HPSE2: variants seen among roughly 807,000 people sequenced by gnomAD.
HPSE2 encodes the protein inactive heparanase-2.
A neutral mutation model predicts 60.5 loss-of-function variants in HPSE2; 38 were observed. The ratio of observed to expected loss-of-function variants is 0.63; its 90% confidence interval spans 0.48 to 0.82. The LOEUF (loss-of-function observed/expected upper bound fraction) is 0.82. Among genes scored for constraint, HPSE2 ranks in the 40% least tolerant of loss-of-function variants. The pLI is 0.00. For synonymous variants in HPSE2, 295 were observed against 293.2 expected, an observed-to-expected ratio of 1.01 and a Z score of -0.06; for missense variants, 713 against 740.4, an observed-to-expected ratio of 0.96 and a Z score of 0.43.
chr10:99,163,427 T>C (rs1846928438), intron 2 of HPSE2, among the ~76,000 whole-genome samples: 2 of 152,166 alleles, frequency 1.3e-5, no homozygotes, highest in Non-Finnish European at 2.9e-5. Flanking sequence ...CCTTCCTCTT[T>C]CCACCTCCTC....
chr10:98,576,942 CATCAAATAT>C (rs1944658087), intron 9 of HPSE2, among the ~76,000 whole-genome samples: 1 of 151,856 alleles, frequency 6.6e-6, no homozygotes, highest in African/African-American at 2.4e-5. Context: ...CAGCTTCTCC[CATCAAATAT>C]ACCACTATTT....
At chr10:99,093,163 G>T (rs150418158) in intron 3 of HPSE2, among the ~76,000 whole-genome samples, 19 of 152,174 alleles carry the variant, frequency 1.2e-4, no homozygotes, top group African/African-American at 3.6e-4. Flanking sequence ...AGGAGGCAGA[G>T]GTTGCAGTGA....
intron 7 of HPSE2, among the ~76,000 whole-genome samples, chr10:98,625,648 G>A (rs1181327567): frequency 2.0e-5 from 3 of 152,122 alleles, no homozygotes; most frequent in African/African-American, 7.2e-5. Flanking sequence ...GCAAAAGAAC[G>A]TATAATATAA....
At chr10:98,617,741 T>G (rs1945953882) in intron 8 of HPSE2, among the ~76,000 whole-genome samples, 1 of 152,188 alleles carries the variant, frequency 6.6e-6, no homozygotes, top group East Asian at 1.9e-4. Context: ...ACCCTGCCAT[T>G]ATTTTCCACT....
At position 98,615,026 on chromosome 10, in the gene HPSE2, G is replaced by A. The variant is rs756954506; in HGVS notation, c.1206-8C>T. On this transcript the variant is annotated splice_polypyrimidine_tract_variant and splice_region_variant and intron_variant, in intron 8 of 11. Coordinates refer to ENST00000370552, the MANE Select transcript of HPSE2 (RefSeq NM_021828.5). ...CCTAAAGTGTTCAACCATCTAAAAG[G>A]CAGAGAAAAAGAGCTACATCAATAT... 2 of 1,597,322 alleles carry A rather than the reference G, an allele frequency of 1.3e-6. No homozygotes were observed. Among genetic ancestry groups the A allele is most frequent in the Non-Finnish European group, 1.7e-6 (2 of 1,164,898 alleles).
intron 5 of HPSE2, among the ~76,000 whole-genome samples, chr10:98,708,837 T>C (rs986621155): frequency 3.3e-5 from 5 of 152,190 alleles, no homozygotes; most frequent in Non-Finnish European, 7.3e-5. Context: ...AGTCTTCGAA[T>C]AATATTTATA....
chr10:98,891,426 T>C (rs889579423), intron 3 of HPSE2, among the ~76,000 whole-genome samples: 3 of 152,152 alleles, frequency 2.0e-5, no homozygotes, highest in Non-Finnish European at 4.4e-5. Context: ...TGTTAAATCT[T>C]AGCAATTTAA....
chr10:98,877,806 C>T (rs780822459), intron 3 of HPSE2, among the ~76,000 whole-genome samples: 8 of 151,818 alleles, frequency 5.3e-5, no homozygotes, highest in African/African-American at 7.2e-5. Flanking sequence ...AGGGAGGGTA[C>T]GTTCAGGGCA....
chr10:99,057,025 T>C (rs1017402741), intron 3 of HPSE2, among the ~76,000 whole-genome samples: 29 of 152,218 alleles, frequency 1.9e-4, no homozygotes, highest in African/African-American at 6.7e-4. Context: ...AAATAATCTA[T>C]AGTGACAGGT....
At chr10:98,800,942 A>G (rs957722005) in intron 3 of HPSE2, among the ~76,000 whole-genome samples, 1 of 152,218 alleles carries the variant, frequency 6.6e-6, no homozygotes, top group Non-Finnish European at 1.5e-5. Flanking sequence ...CTACAGGCCA[A>G]TATCTCTGAT....
At chr10:98,462,209 C>A (rs145640972) in intron 11 of HPSE2, among the ~76,000 whole-genome samples, 1 of 152,022 alleles carries the variant, frequency 6.6e-6, no homozygotes, top group Non-Finnish European at 1.5e-5. Flanking sequence ...GATGGAGTCT[C>A]GATCTGTTGC....
At chr10:98,637,635 T>G (rs543197493) in intron 7 of HPSE2, among the ~76,000 whole-genome samples, 1 of 152,202 alleles carries the variant, frequency 6.6e-6, no homozygotes, top group South Asian at 2.1e-4. Context: ...GCCATCAGAC[T>G]TCAAATCCTG....
intron 9 of HPSE2, among the ~76,000 whole-genome samples, chr10:98,607,738 C>A (rs1180836437): frequency 6.6e-6 from 1 of 152,060 alleles, no homozygotes; most frequent in Non-Finnish European, 1.5e-5. Context: ...ACTTTTCATC[C>A]TTTAGTCATC....
the HPSE2 span, among the ~76,000 whole-genome samples, chr10:99,276,260 TAC>T: frequency 6.6e-6 from 1 of 152,236 alleles, no homozygotes; most frequent in East Asian, 1.9e-4. Context: ...GTGCTTCATA[TAC>T]ATTTTCTCTA....
At chr10:98,880,299 G>A (rs948902972) in intron 3 of HPSE2, among the ~76,000 whole-genome samples, 20 of 152,016 alleles carry the variant, frequency 1.3e-4, no homozygotes, top group African/African-American at 3.1e-4. Flanking sequence ...TGCAGGGCAT[G>A]GATTTGAGTT....
At chr10:98,888,982 G>C (rs1254354534) in intron 3 of HPSE2, among the ~76,000 whole-genome samples, 1 of 152,072 alleles carries the variant, frequency 6.6e-6, no homozygotes, top group African/African-American at 2.4e-5. Context: ...CTTGAGGCTA[G>C]GAGTTCAAGA....
intron 3 of HPSE2, among the ~76,000 whole-genome samples, chr10:98,774,840 T>G (rs889900093): frequency 6.6e-6 from 1 of 152,182 alleles, no homozygotes; most frequent in South Asian, 2.1e-4. Context: ...ATCTCCTTCA[T>G]CGTGGGACTC....
At chr10:98,679,193 C>G (rs908245036) in intron 6 of HPSE2, among the ~76,000 whole-genome samples, 11 of 152,158 alleles carry the variant, frequency 7.2e-5, no homozygotes, top group Non-Finnish European at 1.3e-4. Flanking sequence ...TGGAGTGAAA[C>G]AGGAGAAATG....
chr10:98,480,610 C>A (rs1246579421), intron 11 of HPSE2, among the ~76,000 whole-genome samples: 1 of 152,146 alleles, frequency 6.6e-6, no homozygotes, highest in Non-Finnish European at 1.5e-5. Flanking sequence ...AGAGTCCTGC[C>A]TGCATCCTTG....
Sources: gnomAD v4.1 joint callset for allele counts (sites outside exome capture counted in the v4.1 genomes callset) on GRCh38, gnomAD v4.1.1 for gene constraint, MANE v1.5 for transcripts, NCBI Gene and HGNC (gene_info 2026-07-23, HGNC 2026-07-21) for gene names.